Variants in STK32B observed in about 807,000 individuals in gnomAD.
STK32B encodes the protein serine/threonine kinase 32B, also known as serine/threonine-protein kinase 32B.
In STK32B, 43 loss-of-function variants were observed where a neutral mutation model predicts 52.6. That is an observed-to-expected ratio of 0.82 (90% confidence interval 0.64 to 1.05). STK32B has a LOEUF of 1.05. Ranked by LOEUF, STK32B falls within the 50% of genes least tolerant of loss-of-function variation. STK32B has a pLI of 0.00. For missense variants in STK32B, 621 were observed against 534.6 expected, an observed-to-expected ratio of 1.16 and a Z score of -1.59; for synonymous variants, 238 against 204.3, an observed-to-expected ratio of 1.17 and a Z score of -1.41.
the STK32B span, among the ~76,000 whole-genome samples, chr4:5,031,767 G>T: frequency 6.6e-6 from 1 of 152,148 alleles, no homozygotes; most frequent in Non-Finnish European, 1.5e-5. Context: ...CACTTAGCAG[G>T]CCTGTGATAT....
intron 5 of STK32B, among the ~76,000 whole-genome samples, chr4:5,410,875 C>G (rs529347849): frequency 1.3e-5 from 2 of 152,090 alleles, no homozygotes; most frequent in Non-Finnish European, 2.9e-5. Context: ...AGTCCAAGAT[C>G]GTGGGCAGAT....
intron 3 of STK32B, among the ~76,000 whole-genome samples, chr4:5,239,299 A>G (rs995912088): frequency 2.6e-5 from 4 of 152,276 alleles, no homozygotes; most frequent in African/African-American, 9.6e-5. Context: ...CAAATAATGC[A>G]TGGGTGGGAG....
chr4:5,410,463 C>A (rs1711577729), intron 5 of STK32B, among the ~76,000 whole-genome samples: 1 of 152,184 alleles, frequency 6.6e-6, no homozygotes, highest in South Asian at 2.1e-4. Context: ...GTCTTCCTTC[C>A]TCTAGAGGGA....
At chr4:5,088,495 A>C (rs1712864306) in intron 1 of STK32B, among the ~76,000 whole-genome samples, 1 of 152,136 alleles carries the variant, frequency 6.6e-6, no homozygotes, top group Non-Finnish European at 1.5e-5. Context: ...AATACTTGAG[A>C]GGTTGGATAT....
rs199585650 is a variant in STK32B at position 5,484,755 on chromosome 4, G to A, written c.1107-14190G>A. ...TTGTTCCTTTCCATGTTTAGTGCTT[G>A]CTTCAGGAGCTCTTTTAGGGCAGGC... is the stretch of plus-strand genomic sequence containing the variant. On this transcript the variant is annotated intron_variant, in intron 11 of 11. Coordinates refer to ENST00000282908, the MANE Select transcript of STK32B (RefSeq NM_018401.3). Among the ~76,000 whole-genome samples the A allele has an allele frequency of 2.8e-4, 42 of 152,196 alleles. No homozygotes were observed. In the East Asian group the frequency reaches 7.7e-3, roughly 28 times the overall value.
At chr4:5,127,772 G>T (rs371288330) in intron 1 of STK32B, among the ~76,000 whole-genome samples, 3 of 152,120 alleles carry the variant, frequency 2.0e-5, no homozygotes, top group Non-Finnish European at 4.4e-5. Flanking sequence ...CACCCAAATC[G>T]CATCTTGAAT....
intron 3 of STK32B, among the ~76,000 whole-genome samples, chr4:5,233,195 G>C (rs189295574): frequency 2.1e-3 from 325 of 152,304 alleles, no homozygotes; most frequent in African/African-American, 7.4e-3. Context: ...GGAATGGACA[G>C]GTTTATGGGC....
intron 2 of STK32B, among the ~76,000 whole-genome samples, chr4:5,161,190 C>A (rs1162683661): frequency 6.6e-6 from 1 of 152,140 alleles, no homozygotes; most frequent in African/African-American, 2.4e-5. Flanking sequence ...AATACTCATC[C>A]AAGTAAGTAT....
intron 1 of STK32B, among the ~76,000 whole-genome samples, chr4:5,054,442 G>T (rs913497689): frequency 6.6e-6 from 1 of 151,382 alleles, no homozygotes; most frequent in African/African-American, 2.4e-5. Context: ...GTGATAGAAG[G>T]GGGAAGGACG....
At chr4:5,407,733 G>A (rs1471131390) in intron 5 of STK32B, among the ~76,000 whole-genome samples, 1 of 152,066 alleles carries the variant, frequency 6.6e-6, no homozygotes, top group Non-Finnish European at 1.5e-5. Context: ...AAAACAGCAA[G>A]GGGGAAATCC....
intron 2 of STK32B, chr4:5,140,397 A>T: frequency 1.1e-6 from 1 of 933,156 alleles, no homozygotes; most frequent in Non-Finnish European, 1.4e-6. Flanking sequence ...AAACAAAAAT[A>T]CTCCCCCCAG....
Position 5,398,097 on chromosome 4 carries a change from A to G in STK32B, c.435-110A>G. The G allele has an allele frequency of 8.6e-7, 1 of 1,163,800 alleles. No homozygotes were observed. The highest frequency in any genetic ancestry group is 1.2e-6 in the Non-Finnish European group (1 of 804,324). The allele number at this position is 1,163,800 out of a possible 1,614,324, so 72.1% of individuals were successfully genotyped here. A position where few individuals can be genotyped will look rare whatever the true frequency, so the allele number is the denominator to read the frequency against. On this transcript the variant is annotated intron_variant, in intron 4 of 11. Transcript: ENST00000282908. The surrounding 1 kb of genome is among the most constrained non-coding windows in gnomAD (Gnocchi z 4.9). ...CCATGTCTGAGGCTTCAGGTCAGGGAGAGGTGAGCAGCCTGGGTGTTCCAG... is the reference window on the plus strand; with the variant it reads ...CCATGTCTGAGGCTTCAGGTCAGGGGGAGGTGAGCAGCCTGGGTGTTCCAG...
intron 2 of STK32B, among the ~76,000 whole-genome samples, chr4:5,164,201 G>A (rs1463739787): frequency 1.3e-5 from 2 of 152,138 alleles, no homozygotes; most frequent in African/African-American, 4.8e-5. Context: ...TCCAGCTGTG[G>A]GCAGGGTAGA....
chr4:5,349,110 C>T (rs1733663161), intron 4 of STK32B, among the ~76,000 whole-genome samples: 2 of 152,150 alleles, frequency 1.3e-5, no homozygotes, highest in Admixed American at 1.3e-4. Flanking sequence ...CTTGAGAACC[C>T]ACCAAACTTC....
At chr4:5,352,906 C>G (rs1018419544) in intron 4 of STK32B, among the ~76,000 whole-genome samples, 2 of 151,162 alleles carry the variant, frequency 1.3e-5, no homozygotes, top group African/African-American at 2.5e-5. Context: ...ATAGAAAAAA[C>G]AATCCGAAAT....
intron 4 of STK32B, among the ~76,000 whole-genome samples, chr4:5,374,877 C>G (rs62297316): frequency 0.054 from 8,300 of 152,294 alleles, 516 homozygotes; most frequent in Admixed American, 0.19. Flanking sequence ...ACACCACTGC[C>G]TGCCAAGGGT....
At chr4:5,158,303 G>C (rs571704303) in intron 2 of STK32B, among the ~76,000 whole-genome samples, 2 of 152,074 alleles carry the variant, frequency 1.3e-5, no homozygotes, top group Non-Finnish European at 2.9e-5. Flanking sequence ...GTGGCACAGC[G>C]CGGGTCCTGG....
At chr4:5,375,809 G>A (rs751222012) in intron 4 of STK32B, among the ~76,000 whole-genome samples, 6 of 152,150 alleles carry the variant, frequency 3.9e-5, no homozygotes, top group Non-Finnish European at 8.8e-5. Flanking sequence ...AGTCTGGGGC[G>A]GGGAGTGCTC....
At chr4:5,098,236 A>T (rs1286724941) in intron 1 of STK32B, among the ~76,000 whole-genome samples, 1 of 152,220 alleles carries the variant, frequency 6.6e-6, no homozygotes, top group Non-Finnish European at 1.5e-5. Flanking sequence ...AGTGTTAAAG[A>T]CAGTGATTTG....
Sources: allele counts gnomAD v4.1 joint callset (sites outside exome capture counted in the v4.1 genomes callset), GRCh38; gene constraint gnomAD v4.1.1; non-coding constraint Gnocchi (gnomAD v3.1); transcripts MANE v1.5; gene names NCBI Gene and HGNC (gene_info 2026-07-23, HGNC 2026-07-21).